MAPKAPK5: variants seen among roughly 807,000 people sequenced by gnomAD.
The protein encoded by MAPKAPK5 is MAP kinase-activated protein kinase 5.
Under a neutral mutation model 65.1 loss-of-function variants are expected in MAPKAPK5, and 30 were observed. The ratio of observed to expected loss-of-function variants is 0.46; its 90% CI spans 0.34 to 0.63. The LOEUF is 0.63. Among genes scored for constraint, MAPKAPK5 ranks in the 20% least tolerant of loss-of-function variants. MAPKAPK5 has a pLI of 0.01. For missense variants in MAPKAPK5, 433 were observed against 581.4 expected, an observed-to-expected ratio of 0.74 and a Z score of 2.63; for synonymous variants, 179 against 204.6, an observed-to-expected ratio of 0.87 and a Z score of 1.07.
At chr12:111,855,756 G>A (rs915954779) in intron 1 of MAPKAPK5, among the ~76,000 whole-genome samples, 3 of 151,902 alleles carry the variant, frequency 2.0e-5, no homozygotes, top group Non-Finnish European at 4.4e-5. Context: ...GAACCTGGGA[G>A]GCAGAGATTG....
chr12:111,873,766 A>G (rs1156536729), intron 7 of MAPKAPK5, among the ~76,000 whole-genome samples: 2 of 152,166 alleles, frequency 1.3e-5, no homozygotes, highest in African/African-American at 2.4e-5. Context: ...GTAGCTTTAT[A>G]TTATATCTTG....
chr12:111,869,375 T>A (rs2069709022), intron 5 of MAPKAPK5, among the ~76,000 whole-genome samples: 1 of 152,206 alleles, frequency 6.6e-6, no homozygotes, highest in African/African-American at 2.4e-5. Flanking sequence ...GACATCACAT[T>A]TTATTGCTGT....
At chr12:111,868,722 T>A in intron 4 of MAPKAPK5, 31 bp from the exon 5 acceptor site, 1 of 1,433,722 alleles carries the variant, frequency 7.0e-7, no homozygotes, top group Non-Finnish European at 9.4e-7. Context: ...TTTTTTTTTT[T>A]AACTTAACAA....
At position 111,883,865 on chromosome 12, in the gene MAPKAPK5, C is replaced by T. The variant is rs577600418; in HGVS notation, c.848+97C>T. 2.3e-5 allele frequency: 28 copies of T among 1,233,094 alleles called. No individual in the cohort carries two copies. The African/African-American group carries it at 2.4e-4, about 11-fold the overall frequency. 76.4% of individuals were successfully genotyped at this position (1,233,094 alleles called of 1,614,324 possible). A position where few individuals can be genotyped will look rare whatever the true frequency, so the allele number is the denominator to read the frequency against. ...AGAGAAAAGTCACTGGTTTCCTAGG[C>T]AGGCTCCTCCCCGTTTTAATATCAC... On this transcript the variant is annotated intron_variant, in intron 9 of 13. Coordinates refer to ENST00000550735, the MANE Select transcript of MAPKAPK5 (RefSeq NM_003668.4). This position sits in a 1 kb window ranked among gnomAD's most constrained non-coding sequence, Gnocchi z 4.8.
chr12:111,867,288 G>T (rs1284296882), intron 3 of MAPKAPK5, among the ~76,000 whole-genome samples: 1 of 152,114 alleles, frequency 6.6e-6, no homozygotes, highest in Non-Finnish European at 1.5e-5. Flanking sequence ...GTGCAATGAA[G>T]GACTTCTTTT....
At chr12:111,862,715 T>C (rs1395235328) in intron 1 of MAPKAPK5, among the ~76,000 whole-genome samples, 1 of 152,024 alleles carries the variant, frequency 6.6e-6, no homozygotes, top group Non-Finnish European at 1.5e-5. Context: ...ATAAGTACAA[T>C]GGAGAATTTG....
chr12:111,888,852 C>A (rs763679979), intron 11 of MAPKAPK5, 33 bp from the exon 12 acceptor site: 4 of 1,608,884 alleles, frequency 2.5e-6, no homozygotes, highest in Non-Finnish European at 8.5e-7. Context: ...TGGGGTCTCA[C>A]GTTGTCATTA....
At position 111,898,197 on chromosome 12, in the gene MAPKAPK5, C is replaced by G. The variant is rs1401476346; in HGVS notation, c.*5136C>G. ...CACAGTTTTTTTTTTGAGACGGATTCTCACTCTGTTGCCCAGGTTGGAGTG... is the reference window on the plus strand; with the variant it reads ...CACAGTTTTTTTTTTGAGACGGATTGTCACTCTGTTGCCCAGGTTGGAGTG... On this transcript the variant is annotated 3_prime_UTR_variant, in exon 14 of 14. Transcript: ENST00000550735. The G allele has an allele frequency of 6.6e-6, 1 of 151,652 alleles. No individual in the cohort carries two copies. Among genetic ancestry groups the G allele is most frequent in the Admixed American group, 6.6e-5 (1 of 15,190 alleles). 9.4% of individuals were successfully genotyped at this position (151,652 alleles called of 1,614,324 possible).
rs1389038832 is a variant in MAPKAPK5 at position 111,897,453 on chromosome 12, A to C, written c.*4392A>C. 6.6e-6 allele frequency: 1 copy of C among 152,198 alleles called. No individual in the cohort carries two copies. 9.4% of individuals were successfully genotyped at this position (152,198 alleles called of 1,614,324 possible). Reference sequence around the variant, plus strand: ...ATTAGAAAATTGGATATTTCATTTTAATTATTTATTTAAAGAGTAGAGTGT... The same window carrying C: ...ATTAGAAAATTGGATATTTCATTTTCATTATTTATTTAAAGAGTAGAGTGT... On this transcript the variant is annotated 3_prime_UTR_variant, in exon 14 of 14. Transcript: ENST00000550735.
At chr12:111,874,083 G>A (rs374554858) in intron 7 of MAPKAPK5, among the ~76,000 whole-genome samples, 181 of 152,214 alleles carry the variant, frequency 1.2e-3, no homozygotes, top group African/African-American at 4.2e-3. Flanking sequence ...GTTTTTGGAT[G>A]CTGTTGGAAA....
chr12:111,872,681 T>C (rs895346298), intron 7 of MAPKAPK5, among the ~76,000 whole-genome samples: 11 of 152,190 alleles, frequency 7.2e-5, no homozygotes, highest in Non-Finnish European at 1.3e-4. Flanking sequence ...TGGAGGCATT[T>C]CTTGCCTTTT....
intron 7 of MAPKAPK5, among the ~76,000 whole-genome samples, chr12:111,872,216 C>T (rs2069806568): frequency 6.6e-6 from 1 of 152,176 alleles, no homozygotes; most frequent in South Asian, 2.1e-4. Context: ...CCATTTTATG[C>T]GTCTACCAGC....
Position 111,899,605 on chromosome 12 carries a change from T to C in MAPKAPK5, c.*6544T>C, listed in dbSNP as rs1222519022. 7.7e-6 allele frequency: 2 copies of C among 258,294 alleles called. No homozygotes were observed. The highest frequency in any genetic ancestry group is 9.4e-5 in the Admixed American group (2 of 21,338). The allele number at this position is 258,294 out of a possible 1,614,324, so 16.0% of individuals were successfully genotyped here. A position where few individuals can be genotyped will look rare whatever the true frequency, so the allele number is the denominator to read the frequency against. On this transcript the variant is annotated 3_prime_UTR_variant, in exon 14 of 14. Coordinates refer to ENST00000550735, the MANE Select transcript of MAPKAPK5 (RefSeq NM_003668.4). ...CAGAAGCACCTGGTTCATCTGAAGGTGAAGAGAAACCATTTTGTGAATAAC... is the reference window on the plus strand; with the variant it reads ...CAGAAGCACCTGGTTCATCTGAAGGCGAAGAGAAACCATTTTGTGAATAAC...
Position 111,896,776 on chromosome 12 carries a change from G to C in MAPKAPK5, c.*3715G>C, listed in dbSNP as rs188041181. On this transcript the variant is annotated 3_prime_UTR_variant, in exon 14 of 14. Transcript: ENST00000550735. ...TCAGCTTGATGTAGTAAAAAAACTT[G>C]TCTCTCTCTGACTAATATGTATGAA... The C allele has an allele frequency of 3.9e-5, 6 of 152,254 alleles. No individual in the cohort carries two copies. The highest frequency in any genetic ancestry group is 2.1e-4 in the South Asian group (1 of 4,822). 9.4% of individuals were successfully genotyped at this position (152,254 alleles called of 1,614,324 possible).
In MAPKAPK5 at chr12:111,850,560, A is replaced by AC. The variant is rs751802204; in HGVS notation, c.36+7793dup. Among the ~76,000 whole-genome samples, 70 of 152,326 alleles carry AC rather than the reference A, an allele frequency of 4.6e-4. 1 individual carries two copies. Among genetic ancestry groups the AC allele is most frequent in the Non-Finnish European group, 8.5e-4 (58 of 68,034 alleles). ...GTAACAGGAGAAGCAGCTTCTGCTG[A>AC]CCAAGAGGCGGCAAACAAGTTCCCA... On this transcript the variant is annotated intron_variant, in intron 1 of 13. Transcript: ENST00000550735.
Position 111,900,901 on chromosome 12 carries a change from A to G in MAPKAPK5, c.*7840A>G, listed in dbSNP as rs2071024996. The G allele has an allele frequency of 6.6e-6, 3 of 455,496 alleles. No individual in the cohort carries two copies. The highest frequency in any genetic ancestry group is 2.0e-5 in the African/African-American group (1 of 49,828). 28.2% of individuals were successfully genotyped at this position (455,496 alleles called of 1,614,324 possible). A position where few individuals can be genotyped will look rare whatever the true frequency, so the allele number is the denominator to read the frequency against. ...AATCAGTGCTTACAATTATATGGAT[A>G]TGGTGCAAAATCAGCCTCACAAGAG... On this transcript the variant is annotated 3_prime_UTR_variant, in exon 14 of 14. Coordinates refer to ENST00000550735, the MANE Select transcript of MAPKAPK5 (RefSeq NM_003668.4).
At chr12:111,870,554 T>G (rs1369872575) in intron 6 of MAPKAPK5, among the ~76,000 whole-genome samples, 194 bp downstream of exon 6, 1 of 152,182 alleles carries the variant, frequency 6.6e-6, no homozygotes, top group Non-Finnish European at 1.5e-5. Context: ...ATTGATAATT[T>G]TGGATGATAC....
At chr12:111,866,253 T>G (rs1368690002) in intron 3 of MAPKAPK5, 22 bp downstream of exon 3, 3 of 1,592,570 alleles carry the variant, frequency 1.9e-6, no homozygotes, top group Non-Finnish European at 2.6e-6. Flanking sequence ...TGCCTCGACT[T>G]AATTAAATAG....
In MAPKAPK5 at chr12:111,899,681, C is replaced by G. The variant is rs1481129644; in HGVS notation, c.*6620C>G. On this transcript the variant is annotated 3_prime_UTR_variant, in exon 14 of 14. Transcript: ENST00000550735. ...GCCTCCTGGGGCAAGAATCGCCTTTCATCTCACATGACTGCCACTATGAAG... is the reference window on the plus strand; with the variant it reads ...GCCTCCTGGGGCAAGAATCGCCTTTGATCTCACATGACTGCCACTATGAAG... 3.4e-6 allele frequency: 1 copy of G among 297,344 alleles called. No individual in the cohort carries two copies. Among genetic ancestry groups the G allele is most frequent in the Non-Finnish European group, 6.8e-6 (1 of 147,378 alleles). 18.4% of individuals were successfully genotyped at this position (297,344 alleles called of 1,614,324 possible).
Sources: gnomAD v4.1 joint callset for allele counts (sites outside exome capture counted in the v4.1 genomes callset) on GRCh38, gnomAD v4.1.1 for gene constraint, Gnocchi (gnomAD v3.1) non-coding constraint, MANE v1.5 for transcripts, NCBI Gene and HGNC (gene_info 2026-07-23, HGNC 2026-07-21) for gene names.